SCAI: variants seen among roughly 807,000 people sequenced by gnomAD.
SCAI encodes the protein suppressor of cancer cell invasion.
In SCAI, 24 loss-of-function variants were observed where a neutral mutation model predicts 92.2. The observed-to-expected ratio is 0.26, with a 90% CI of 0.19 to 0.37. The LOEUF (loss-of-function observed/expected upper bound fraction) is 0.37. Among genes scored for constraint, SCAI ranks in the 10% least tolerant of loss-of-function variants. SCAI has a pLI of 1.00. For synonymous variants in SCAI, 261 were observed against 258.6 expected (o/e 1.01, Z -0.09); for missense variants, 450 against 736.2 (o/e 0.61, Z 4.50).
chr9:124,970,044 G>A (rs1483213124), intron 17 of SCAI, among the ~76,000 whole-genome samples: 1 of 152,032 alleles, frequency 6.6e-6, no homozygotes, highest in African/African-American at 2.4e-5. Flanking sequence ...AGTAGAGACA[G>A]GATTTCATCA....
intron 3 of SCAI, among the ~76,000 whole-genome samples, chr9:125,046,552 C>A (rs1014440587): frequency 2.0e-5 from 3 of 149,986 alleles, no homozygotes; most frequent in African/African-American, 7.3e-5. Flanking sequence ...GGGACTCTCA[C>A]GATAGGGTAG....
chr9:125,127,521 C>T (rs1336349120), intron 2 of SCAI, among the ~76,000 whole-genome samples: 1 of 151,822 alleles, frequency 6.6e-6, no homozygotes, highest in African/African-American at 2.4e-5. Context: ...CGAGCCACCA[C>T]ACCTGCCCCC....
intron 3 of SCAI, among the ~76,000 whole-genome samples, chr9:125,054,464 C>T (rs958694326): frequency 1.3e-5 from 2 of 150,702 alleles, no homozygotes; most frequent in African/African-American, 4.9e-5. Flanking sequence ...TCTGAATTTT[C>T]GTACCCAATA....
intron 2 of SCAI, among the ~76,000 whole-genome samples, chr9:125,090,027 A>G (rs1834399838): frequency 1.3e-5 from 2 of 152,194 alleles, no homozygotes; most frequent in South Asian, 4.1e-4. Flanking sequence ...ACACCTAGAA[A>G]AAAGGTTAGC....
intron 9 of SCAI, among the ~76,000 whole-genome samples, chr9:125,009,839 G>A (rs989964548): frequency 6.6e-5 from 10 of 152,030 alleles, no homozygotes; most frequent in Non-Finnish European, 1.2e-4. Context: ...GTGGCAGTGA[G>A]TCAAGATCAC....
chr9:125,117,717 C>T (rs934329117), intron 2 of SCAI, among the ~76,000 whole-genome samples: 39 of 137,684 alleles, frequency 2.8e-4, no homozygotes, highest in African/African-American at 9.7e-4. Context: ...GCATTTGAAA[C>T]CAGAAGACCT....
chr9:125,142,504 G>T (rs1332856794), intron 2 of SCAI, 129 bp downstream of exon 2: 2 of 692,644 alleles, frequency 2.9e-6, no homozygotes, highest in Non-Finnish European at 5.0e-6. Flanking sequence ...CATGCATGTG[G>T]TTATATTCTT....
chr9:125,016,099 G>A (rs1015722130), intron 9 of SCAI, among the ~76,000 whole-genome samples: 1 of 150,380 alleles, frequency 6.6e-6, no homozygotes, highest in East Asian at 1.9e-4. Context: ...GTTAATGGGT[G>A]CAGCACACCA....
rs147908920 is a variant in SCAI, at chr9:125,114,943, T to G, written c.98+27690A>C. On this transcript the variant is annotated intron_variant, in intron 2 of 17. Transcript: ENST00000336505. The stretch of plus-strand genomic sequence containing the variant: ...CATGCACACCATGCCCAGCTAATTT[T>G]TATATGTTTAGTAGAGACCGGGTTT... Among the ~76,000 whole-genome samples, 30 of 152,174 alleles carry G rather than the reference T, an allele frequency of 2.0e-4. 1 individual carries two copies. The East Asian group carries it at 5.6e-3, about 29-fold the overall frequency.
chr9:125,139,621 G>A (rs568715605), intron 2 of SCAI, among the ~76,000 whole-genome samples: 5 of 152,288 alleles, frequency 3.3e-5, no homozygotes, highest in African/African-American at 1.2e-4. Context: ...ATTAACCGTG[G>A]CTGGGAAAGT....
chr9:124,980,149 A>T (rs909162558), intron 14 of SCAI, among the ~76,000 whole-genome samples: 2 of 152,142 alleles, frequency 1.3e-5, no homozygotes, highest in Non-Finnish European at 2.9e-5. Flanking sequence ...TTGATAAGGC[A>T]GATTGAGGCA....
intron 2 of SCAI, among the ~76,000 whole-genome samples, chr9:125,118,725 G>A (rs6478694): frequency 0.23 from 35,547 of 151,728 alleles, 4,686 homozygotes; most frequent in Non-Finnish European, 0.3. Context: ...ACATGGCCTC[G>A]ATGAGTGTTG....
intron 3 of SCAI, 126 bp downstream of exon 3, chr9:125,055,749 TG>T: frequency 1.7e-6 from 1 of 582,070 alleles, no homozygotes; most frequent in Admixed American, 3.5e-5. Flanking sequence ...GAAAAAATCA[TG>T]ATCACTCTAA....
intron 3 of SCAI, among the ~76,000 whole-genome samples, chr9:125,046,899 C>T (rs1833454971): frequency 6.6e-6 from 1 of 151,668 alleles, no homozygotes; most frequent in Non-Finnish European, 1.5e-5. Context: ...ATATATTCAT[C>T]TATTTTATTG....
chr9:124,982,174 G>C (rs1287569593), intron 14 of SCAI, among the ~76,000 whole-genome samples: 1 of 152,042 alleles, frequency 6.6e-6, no homozygotes, highest in East Asian at 1.9e-4. Context: ...ACTACGCTAG[G>C]CTTCATAGAT....
chr9:125,104,958 A>C (rs1834747203), intron 2 of SCAI, among the ~76,000 whole-genome samples: 1 of 124,738 alleles, frequency 8.0e-6, no homozygotes, highest in South Asian at 2.5e-4. Flanking sequence ...ACCCTGTCTC[A>C]AAAAAAAAAA....
intron 3 of SCAI, among the ~76,000 whole-genome samples, chr9:125,035,755 T>C (rs1306213587): frequency 6.6e-6 from 1 of 152,134 alleles, no homozygotes; most frequent in Non-Finnish European, 1.5e-5. Context: ...GTTGACAATA[T>C]GATTAATAAA....
intron 17 of SCAI, among the ~76,000 whole-genome samples, chr9:124,955,948 C>T (rs1199912395): frequency 6.6e-6 from 1 of 152,044 alleles, no homozygotes; most frequent in East Asian, 1.9e-4. Flanking sequence ...ATTCCAGGCC[C>T]AGGTGGCTTC....
rs768015078 is a variant in SCAI at position 124,971,398 on chromosome 9, G to A, written c.1646C>T (p.Ala549Val). 2 of 1,611,488 alleles carry A rather than the reference G, an allele frequency of 1.2e-6. No homozygotes were observed. The highest frequency in any genetic ancestry group is 2.7e-5 in the African/African-American group (2 of 74,794). Residue 549 changes from alanine (A) to valine (V), a missense_variant, in exon 17 of 18, where the codon GCC becomes GTC. This residue lies in a region of SCAI where 360 missense variants were observed against 601.8 expected (regional missense o/e 0.60). Coordinates refer to ENST00000336505, the MANE Select transcript of SCAI (RefSeq NM_001144877.3). ...AAAAATCTTGTGCATCCTCATGGTGGCTGAACAAAAGATAAATCTTGTGAG... is the reference window on the plus strand; with the variant it reads ...AAAAATCTTGTGCATCCTCATGGTGACTGAACAAAAGATAAATCTTGTGAG... ...LLLTRFIFCS[A>V]TMRMHKIFRE...
Sources: gnomAD v4.1 joint callset for allele counts (sites outside exome capture counted in the v4.1 genomes callset) on GRCh38, gnomAD v4.1.1 for gene constraint, gnomAD v4.1.1 regional missense constraint, MANE v1.5 for transcripts, NCBI Gene and HGNC (gene_info 2026-07-23, HGNC 2026-07-21) for gene names.